MLLT3: variants seen among roughly 807,000 people sequenced by gnomAD.
The protein encoded by MLLT3 is protein AF-9.
MLLT3 carries 4 observed loss-of-function variants against 53.2 expected under a neutral mutation model. The observed-to-expected ratio is 0.08, with a 90% CI of 0.04 to 0.17. The LOEUF (loss-of-function observed/expected upper bound fraction) is 0.17, where lower values mean the gene tolerates loss of function less well. MLLT3 is among the 10% of genes least tolerant of loss of function. The probability of loss-of-function intolerance (pLI) is 1.00; values close to 1 mark genes in which losing one functional copy is unlikely to be tolerated. For synonymous variants in MLLT3, 283 were observed against 230.6 expected (o/e 1.23, Z -2.06); for missense variants, 569 against 684.0 (o/e 0.83, Z 1.87).
intron 2 of MLLT3, 44 bp from the exon 3 acceptor site, chr9:20,456,830 C>T: frequency 7.5e-7 from 1 of 1,335,402 alleles, no homozygotes; most frequent in South Asian, 1.3e-5. Flanking sequence ...GAATAATAGA[C>T]AAAAAGACAT....
At chr9:20,477,753 T>C (rs1824562460) in intron 2 of MLLT3, among the ~76,000 whole-genome samples, 1 of 152,048 alleles carries the variant, frequency 6.6e-6, no homozygotes, top group Non-Finnish European at 1.5e-5. Context: ...GGGTGCACAG[T>C]ATTATCAACC....
At chr9:20,440,999 G>A (rs1449526486) in intron 4 of MLLT3, among the ~76,000 whole-genome samples, 5 of 151,956 alleles carry the variant, frequency 3.3e-5, no homozygotes, top group African/African-American at 4.8e-5. Context: ...GAAAGAAATG[G>A]GGCACACCTT....
intron 2 of MLLT3, among the ~76,000 whole-genome samples, chr9:20,498,117 G>A (rs770756655): frequency 1.8e-4 from 27 of 151,640 alleles, no homozygotes; most frequent in Middle Eastern, 3.4e-3. Context: ...CAGCAACTCA[G>A]GAGGCTGACG....
intron 2 of MLLT3, among the ~76,000 whole-genome samples, chr9:20,534,579 A>T (rs976035982): frequency 3.9e-5 from 6 of 152,214 alleles, no homozygotes; most frequent in African/African-American, 1.4e-4. Flanking sequence ...CACTAAACAC[A>T]TAAGCACTTA....
chr9:20,572,736 G>A (rs1388963182), intron 2 of MLLT3, among the ~76,000 whole-genome samples: 4 of 152,190 alleles, frequency 2.6e-5, no homozygotes, highest in Admixed American at 6.5e-5. Context: ...AGAGATTGCA[G>A]TGAGCCGAGA....
intron 2 of MLLT3, among the ~76,000 whole-genome samples, chr9:20,572,272 A>G (rs929580551): frequency 3.1e-4 from 47 of 152,136 alleles, no homozygotes; most frequent in African/African-American, 1.1e-3. Context: ...AATGGAAGGA[A>G]TAAGTTCTGG....
chr9:20,369,624 A>C (rs1587164693), intron 5 of MLLT3, among the ~76,000 whole-genome samples: 1 of 152,340 alleles, frequency 6.6e-6, no homozygotes, highest in Non-Finnish European at 1.5e-5. Flanking sequence ...ACTGTCTTAC[A>C]TTTCATCAAG....
chr9:20,366,781 T>C (rs1821463378), intron 5 of MLLT3, among the ~76,000 whole-genome samples: 1 of 152,252 alleles, frequency 6.6e-6, no homozygotes, highest in South Asian at 2.1e-4. Flanking sequence ...GATTTGCATT[T>C]CAAAAGAAGA....
In MLLT3 at chr9:20,622,303, CT is replaced by C. The variant is rs746107346; in HGVS notation, c.-48del. The C allele has an allele frequency of 6.4e-5, 96 of 1,495,110 alleles. No individual in the cohort carries two copies. Among genetic ancestry groups the C allele is most frequent in the Middle Eastern group, 1.8e-4 (1 of 5,612 alleles). 92.6% of individuals were successfully genotyped at this position (1,495,110 alleles called of 1,614,324 possible). A position where few individuals can be genotyped will look rare whatever the true frequency, so the allele number is the denominator to read the frequency against. On this transcript the variant is annotated 5_prime_UTR_variant, in exon 1 of 11. Coordinates refer to ENST00000380338, the MANE Select transcript of MLLT3 (RefSeq NM_004529.4). ...CTGGGGTGTTGTGTGGTACCCCCCCCTCCTCCGCCCCCCCTCAGCTGTAATT... is the reference window on the plus strand; with the variant it reads ...CTGGGGTGTTGTGTGGTACCCCCCCCCCTCCGCCCCCCCTCAGCTGTAATT...
intron 2 of MLLT3, among the ~76,000 whole-genome samples, chr9:20,586,022 A>G (rs1031528730): frequency 6.6e-6 from 1 of 152,184 alleles, no homozygotes; most frequent in Non-Finnish European, 1.5e-5. Context: ...AGCCTCTTAA[A>G]GAGAATAAAT....
intron 2 of MLLT3, among the ~76,000 whole-genome samples, chr9:20,465,722 T>C (rs890757689): frequency 4.6e-5 from 7 of 152,138 alleles, no homozygotes; most frequent in Non-Finnish European, 1.0e-4. Flanking sequence ...AAGAACAAGA[T>C]TTCTTTTCAG....
intron 2 of MLLT3, among the ~76,000 whole-genome samples, chr9:20,572,992 A>G (rs189618192): frequency 6.6e-6 from 1 of 152,186 alleles, no homozygotes; most frequent in Admixed American, 6.5e-5. Context: ...ACTTGCATAT[A>G]AAATGAAGTA....
intron 2 of MLLT3, among the ~76,000 whole-genome samples, chr9:20,492,591 C>G (rs1297554843): frequency 6.6e-6 from 1 of 151,734 alleles, no homozygotes; most frequent in Non-Finnish European, 1.5e-5. Flanking sequence ...TTAAATTTCC[C>G]ACATATATTA....
In MLLT3 at chr9:20,353,576, T is replaced by C. The variant is rs564928756; in HGVS notation, c.1524A>G (p.Val508=). 1 of 1,614,010 alleles carries C rather than the reference T, an allele frequency of 6.2e-7. No individual in the cohort carries two copies. The highest frequency in any genetic ancestry group is 1.3e-5 in the African/African-American group (1 of 75,052). ...ECDKAYLDEL[V]ELHRRLMTLR... ...ATGTCATTAACCTTCTGTGAAGCTC[T>C]ACCAGTTCATCTAGGTATGCCTGAA... Residue 508 remains valine (V), a synonymous_variant, in exon 10 of 11, where the codon GTA becomes GTG. Transcript: ENST00000380338.
chr9:20,456,838 C>T (rs781319669), intron 2 of MLLT3, 52 bp from the exon 3 acceptor site: 2 of 1,314,358 alleles, frequency 1.5e-6, no homozygotes, highest in South Asian at 2.6e-5. Flanking sequence ...GACAAAAAGA[C>T]ATTCTTCTTT....
chr9:20,591,260 T>C lies in MLLT3; in HGVS notation c.193+29394A>G, dbSNP rs138966110. 6.8e-3 allele frequency among the ~76,000 whole-genome samples: 1,040 copies of C among 152,324 alleles called. 18 individuals carry two copies. Among genetic ancestry groups the C allele is most frequent in the African/African-American group, 0.024 (997 of 41,570 alleles). On this transcript the variant is annotated intron_variant, in intron 2 of 10. Coordinates refer to ENST00000380338, the MANE Select transcript of MLLT3 (RefSeq NM_004529.4). ...AAGAAGAGTAAGTTCCTGCCACTAC[T>C]GTACAGCAGAGGTGCTGCAATTTGG...
intron 2 of MLLT3, among the ~76,000 whole-genome samples, chr9:20,466,596 GGGCTAAATA>G (rs926021996): frequency 7.9e-5 from 12 of 152,030 alleles, no homozygotes; most frequent in African/African-American, 2.4e-4. Context: ...GCATGTCTTT[GGGCTAAATA>G]GATAACAGGA....
At chr9:20,396,775 G>A (rs1378519701) in intron 5 of MLLT3, among the ~76,000 whole-genome samples, 1 of 152,080 alleles carries the variant, frequency 6.6e-6, no homozygotes, top group Non-Finnish European at 1.5e-5. Flanking sequence ...CACTGTCATT[G>A]ATAAAATGGA....
chr9:20,415,163 A>C (rs1311738469), intron 4 of MLLT3, among the ~76,000 whole-genome samples: 1 of 152,190 alleles, frequency 6.6e-6, no homozygotes, highest in Non-Finnish European at 1.5e-5. Context: ...AAAAGCAATT[A>C]TTTTTATGCT....
Sources: allele counts gnomAD v4.1 joint callset (sites outside exome capture counted in the v4.1 genomes callset), GRCh38; gene constraint gnomAD v4.1.1; transcripts MANE v1.5; gene names NCBI Gene and HGNC (gene_info 2026-07-23, HGNC 2026-07-21).